Variants in PDLIM5 observed in about 807,000 individuals in gnomAD.
PDLIM5 encodes PDZ and LIM domain 5.
PDLIM5 carries 34 observed loss-of-function variants against 64.2 expected under a neutral mutation model. The observed-to-expected ratio is 0.53, with a 90% CI of 0.40 to 0.71. PDLIM5 has a LOEUF of 0.71. Among genes scored for constraint, PDLIM5 ranks in the 30% least tolerant of loss-of-function variants. The pLI is 0.00. For synonymous variants in PDLIM5, 253 were observed against 269.1 expected (o/e 0.94, Z 0.59); for missense variants, 683 against 733.6 (o/e 0.93, Z 0.80).
intron 3 of PDLIM5, among the ~76,000 whole-genome samples, chr4:94,560,554 C>T (rs1457166698): frequency 6.6e-6 from 1 of 152,074 alleles, no homozygotes; most frequent in Non-Finnish European, 1.5e-5. Flanking sequence ...ATTACTGTTC[C>T]CATCTTACAG....
intron 4 of PDLIM5, among the ~76,000 whole-genome samples, chr4:94,574,014 T>TG (rs1244829563): frequency 6.6e-6 from 1 of 152,178 alleles, no homozygotes; most frequent in Admixed American, 6.5e-5. Flanking sequence ...ACATGACCAT[T>TG]GCAGCATTTC....
chr4:94,464,249 C>G (rs1724149568), intron 2 of PDLIM5, among the ~76,000 whole-genome samples: 1 of 152,146 alleles, frequency 6.6e-6, no homozygotes, highest in African/African-American at 2.4e-5. Flanking sequence ...GGCCACTGTA[C>G]TTCATGATAA....
Position 94,494,734 on chromosome 4 carries a change from C to G in PDLIM5, c.97-28990C>G, listed in dbSNP as rs149329719. ...GGATTACAGATGTGAGCCACCGTGC[C>G]TGACCACAGTTTTTTTGCTATCGTT... is the stretch of plus-strand genomic sequence containing the variant. On this transcript the variant is annotated intron_variant, in intron 2 of 12. Transcript: ENST00000317968. Among the ~76,000 whole-genome samples the G allele has an allele frequency of 3.4e-3, 514 of 151,740 alleles. 1 individual carries two copies. The highest frequency in any genetic ancestry group is 0.012 in the African/African-American group (478 of 41,400).
intron 7 of PDLIM5, among the ~76,000 whole-genome samples, chr4:94,598,599 A>G (rs903391301): frequency 2.0e-5 from 3 of 152,198 alleles, no homozygotes; most frequent in Admixed American, 2.0e-4. Flanking sequence ...TATTATATAT[A>G]ATAAATACGT....
chr4:94,507,283 A>C (rs1452153550), intron 2 of PDLIM5, among the ~76,000 whole-genome samples: 1 of 152,034 alleles, frequency 6.6e-6, no homozygotes, highest in Non-Finnish European at 1.5e-5. Flanking sequence ...AACCCTGACT[A>C]ATACACCCTG....
intron 2 of PDLIM5, among the ~76,000 whole-genome samples, chr4:94,501,250 A>G (rs1727893510): frequency 1.3e-5 from 2 of 151,766 alleles, no homozygotes; most frequent in South Asian, 4.2e-4. Context: ...TCTTTTTAAT[A>G]TTATTTTATT....
At chr4:94,514,135 T>C (rs1729146853) in intron 2 of PDLIM5, among the ~76,000 whole-genome samples, 1 of 32,766 alleles carries the variant, frequency 3.1e-5, no homozygotes, top group African/African-American at 4.5e-4. Flanking sequence ...AGTATTTTCT[T>C]TTTTTTTTTT....
At chr4:94,611,252 T>C in intron 7 of PDLIM5, 1 of 1,440,184 alleles carries the variant, frequency 6.9e-7, no homozygotes, top group Non-Finnish European at 9.4e-7. Context: ...AGCATACTGC[T>C]TTCTCTAACA....
chr4:94,514,413 C>T (rs1003715754), intron 2 of PDLIM5, among the ~76,000 whole-genome samples: 2 of 151,990 alleles, frequency 1.3e-5, no homozygotes, highest in African/African-American at 4.8e-5. Context: ...GGATTACAGG[C>T]GTGAGCCACT....
chr4:94,665,804 A>G lies in PDLIM5; in HGVS notation c.*1737A>G. The G allele has an allele frequency of 1.6e-6, 2 of 1,278,940 alleles. No individual in the cohort carries two copies. Among genetic ancestry groups the G allele is most frequent in the Non-Finnish European group, 2.0e-6 (2 of 1,015,840 alleles). The allele number at this position is 1,278,940 out of a possible 1,614,324, so 79.2% of individuals were successfully genotyped here. ...TGAACCAATTTCAAATGTGATCACAAAGTTTGGAAAGCTTTTATTCACAGA... is the reference window on the plus strand; with the variant it reads ...TGAACCAATTTCAAATGTGATCACAGAGTTTGGAAAGCTTTTATTCACAGA... On this transcript the variant is annotated 3_prime_UTR_variant, in exon 13 of 13. Transcript: ENST00000317968.
chr4:94,627,819 C>T (rs1016831079), intron 8 of PDLIM5, among the ~76,000 whole-genome samples: 3 of 152,174 alleles, frequency 2.0e-5, no homozygotes, highest in Admixed American at 2.0e-4. Flanking sequence ...ACTTTATTGA[C>T]AGCCATCAGC....
At chr4:94,592,746 C>G (rs939936136) in intron 7 of PDLIM5, among the ~76,000 whole-genome samples, 1 of 152,146 alleles carries the variant, frequency 6.6e-6, no homozygotes, top group Admixed American at 6.5e-5. Context: ...CCCGCCTCAG[C>G]CTCCCAAGTA....
intron 3 of PDLIM5, among the ~76,000 whole-genome samples, chr4:94,561,214 A>G (rs1733817551): frequency 6.6e-6 from 1 of 152,198 alleles, no homozygotes; most frequent in South Asian, 2.1e-4. Flanking sequence ...ACTGCATGAT[A>G]CAGGCTGTGT....
At chr4:94,648,851 C>T (rs1291779053) in intron 9 of PDLIM5, among the ~76,000 whole-genome samples, 2 of 152,200 alleles carry the variant, frequency 1.3e-5, no homozygotes, top group African/African-American at 2.4e-5. Flanking sequence ...AGCAGTAGAG[C>T]CTCTCCTGTT....
chr4:94,597,636 CTT>C (rs1737173895), intron 7 of PDLIM5, among the ~76,000 whole-genome samples: 2 of 150,186 alleles, frequency 1.3e-5, no homozygotes, highest in Admixed American at 1.3e-4. Context: ...TCACTAGACT[CTT>C]TTTCTTAATG....
chr4:94,604,130 G>A (rs937501362), intron 7 of PDLIM5, among the ~76,000 whole-genome samples: 1 of 152,080 alleles, frequency 6.6e-6, no homozygotes, highest in Admixed American at 6.6e-5. Flanking sequence ...GAGAACTCTC[G>A]GGCAACAGAA....
intron 11 of PDLIM5, among the ~76,000 whole-genome samples, chr4:94,659,742 A>C (rs987449892): frequency 2.0e-5 from 3 of 149,666 alleles, no homozygotes; most frequent in Non-Finnish European, 4.5e-5. Context: ...GTTAGCCAGG[A>C]TGGTCTCGAT....
intron 2 of PDLIM5, among the ~76,000 whole-genome samples, chr4:94,465,785 G>GT (rs1724300696): frequency 6.6e-6 from 1 of 152,110 alleles, no homozygotes; most frequent in Non-Finnish European, 1.5e-5. Flanking sequence ...TTACACAGCT[G>GT]ATAATTGGTT....
At chr4:94,596,493 T>C (rs1737077527) in intron 7 of PDLIM5, among the ~76,000 whole-genome samples, 3 of 152,130 alleles carry the variant, frequency 2.0e-5, no homozygotes, top group South Asian at 2.1e-4. Flanking sequence ...AAGAAACTTA[T>C]GTTTACTAAA....
Sources: gnomAD v4.1 joint callset for allele counts (sites outside exome capture counted in the v4.1 genomes callset) on GRCh38, gnomAD v4.1.1 for gene constraint, MANE v1.5 for transcripts, NCBI Gene and HGNC (gene_info 2026-07-23, HGNC 2026-07-21) for gene names.